NLGN4X: variants seen among roughly 807,000 people sequenced by gnomAD.
The protein encoded by NLGN4X is neuroligin-4, X-linked.
In NLGN4X, 3 loss-of-function variants were observed where a neutral mutation model predicts 40.3. The ratio of observed to expected loss-of-function variants is 0.07; its 90% CI spans 0.03 to 0.19. The LOEUF is 0.19. Among genes scored for constraint, NLGN4X ranks in the 10% least tolerant of loss-of-function variants. NLGN4X has a pLI of 1.00. For missense variants in NLGN4X, 382 were observed against 708.3 expected (o/e 0.54, Z 5.23); for synonymous variants, 270 against 306.8 (o/e 0.88, Z 1.25).
At chrX:6,098,911 T>A (rs2038844069) in intron 2 of NLGN4X, among the ~76,000 whole-genome samples, 1 of 112,409 alleles carries the variant, frequency 8.9e-6, no homozygotes, top group Admixed American at 9.4e-5. Context: ...TACTTGTGGG[T>A]GATCTGATGA....
chrX:6,057,549 G>A (rs189816012), intron 2 of NLGN4X, among the ~76,000 whole-genome samples: 88 of 111,802 alleles, frequency 7.9e-4, no homozygotes, highest in African/African-American at 2.4e-3. Flanking sequence ...CATATTAATC[G>A]TTCATCAAGC....
chrX:5,896,862 A>G (rs1193224983), intron 5 of NLGN4X, among the ~76,000 whole-genome samples: 1 of 112,345 alleles, frequency 8.9e-6, no homozygotes, highest in Non-Finnish European at 1.9e-5. Flanking sequence ...CATTCAGCTT[A>G]AAATTCCTTT....
intron 3 of NLGN4X, among the ~76,000 whole-genome samples, chrX:5,923,285 C>T (rs2033144336): frequency 8.9e-6 from 1 of 112,034 alleles, no homozygotes; most frequent in Non-Finnish European, 1.9e-5. Context: ...GGAATACACA[C>T]TTGTGCCACT....
chrX:6,165,712 G>T (rs778277131), intron 1 of NLGN4X, among the ~76,000 whole-genome samples: 1 of 111,365 alleles, frequency 9.0e-6, no homozygotes, highest in South Asian at 3.8e-4. Context: ...GTTTTTTAAA[G>T]AAAACAGAGG....
intron 3 of NLGN4X, among the ~76,000 whole-genome samples, chrX:5,925,881 C>CACATATATATATAT (rs2033272520): frequency 5.1e-5 from 1 of 19,516 alleles, no homozygotes; most frequent in Non-Finnish European, 1.0e-4. Context: ...TACATACACA[C>CACATATATATATAT]ATATATATAT....
intron 3 of NLGN4X, among the ~76,000 whole-genome samples, chrX:5,942,216 A>G (rs2033970298): frequency 9.0e-6 from 1 of 110,823 alleles, no homozygotes; most frequent in Admixed American, 9.6e-5. Flanking sequence ...TGATTGCACC[A>G]CTGCATTCAA....
intron 1 of NLGN4X, chrX:6,187,421 A>C (rs1391708502): frequency 9.0e-6 from 1 of 110,610 alleles, no homozygotes; most frequent in Non-Finnish European, 1.9e-5. Flanking sequence ...ATGCGCACGT[A>C]CACGCACAGG....
intron 2 of NLGN4X, among the ~76,000 whole-genome samples, chrX:6,094,074 A>G (rs1489392673): frequency 2.7e-5 from 3 of 111,900 alleles, no homozygotes; most frequent in African/African-American, 6.5e-5. Context: ...AATACACACA[A>G]AACACTTAAA....
chrX:6,029,584 G>A (rs1253436799), intron 2 of NLGN4X, 152 bp from the exon 3 acceptor site: 2 of 545,566 alleles, frequency 3.7e-6, no homozygotes, highest in African/African-American at 4.7e-5. Context: ...TGATAAGAGT[G>A]TCTAAGGAAA....
At position 6,095,105 on chromosome X, in the gene NLGN4X, G is replaced by A. The variant is rs1434410438; in HGVS notation, c.472+55890C>T. Among the ~76,000 whole-genome samples the A allele has an allele frequency of 5.1e-3, 7 of 1,365 alleles. No individual in the cohort carries two copies. In the East Asian group the frequency reaches 0.15, roughly 29 times the overall value. The allele number at this position is 1,365 out of a possible 115,157, so 1.2% of individuals were successfully genotyped here. ...TAAGGCTTTAAGTACGTGCGTGCGT[G>A]TGTGTGTGTGTGTGTGTGTGTGTGT... On this transcript the variant is annotated intron_variant, in intron 2 of 5. Coordinates refer to ENST00000381095, the MANE Select transcript of NLGN4X (RefSeq NM_181332.3).
chrX:6,030,956 A>G (rs184163436), intron 2 of NLGN4X, among the ~76,000 whole-genome samples: 2 of 111,939 alleles, frequency 1.8e-5, no homozygotes, highest in East Asian at 5.6e-4. Context: ...GTAAGTAGAG[A>G]TTTTGAAGGG....
rs191560356 is a variant in NLGN4X, at chrX:6,035,070, A to T, written c.473-5638T>A. ...AACTAATGATATTAAATATCTTCTC[A>T]TGTACACTGTCTTTGCAGAAATGTC... is the stretch of plus-strand genomic sequence containing the variant. On this transcript the variant is annotated intron_variant, in intron 2 of 5. Transcript: ENST00000381095. 2.2e-3 allele frequency among the ~76,000 whole-genome samples: 242 copies of T among 111,983 alleles called. 1 individual carries two copies. The highest frequency in any genetic ancestry group is 7.6e-3 in the African/African-American group (235 of 30,851).
intron 3 of NLGN4X, among the ~76,000 whole-genome samples, chrX:5,911,828 A>G (rs781773354): frequency 8.9e-6 from 1 of 111,771 alleles, no homozygotes; most frequent in East Asian, 2.8e-4. Context: ...TAACCTCCAT[A>G]CTGTTCTTGA....
intron 2 of NLGN4X, among the ~76,000 whole-genome samples, chrX:6,039,247 G>A (rs2147253452): frequency 9.0e-6 from 1 of 111,485 alleles, no homozygotes; most frequent in African/African-American, 3.3e-5. Context: ...CCACTGTCCT[G>A]TGAAAAATCA....
At chrX:6,124,520 A>G (rs896065709) in intron 2 of NLGN4X, among the ~76,000 whole-genome samples, 18 of 111,600 alleles carry the variant, frequency 1.6e-4, no homozygotes, top group African/African-American at 5.5e-4. Flanking sequence ...CGTCTCTACT[A>G]AAAATACAAA....
chrX:6,044,854 A>T (rs1031864483), intron 2 of NLGN4X, among the ~76,000 whole-genome samples: 1 of 112,573 alleles, frequency 8.9e-6, no homozygotes, highest in African/African-American at 3.2e-5. Context: ...CACACAATGT[A>T]GAATAAAAGA....
At position 5,892,482 on chromosome X, in the gene NLGN4X, G is replaced by A. The variant is rs1340393427; in HGVS notation, c.*335C>T. ...CAGAAGTGTCAGCTGCTTCCATGAC[G>A]TTGGAAACACCCGGGGCCTTGAAAT... On this transcript the variant is annotated 3_prime_UTR_variant, in exon 6 of 6. Transcript: ENST00000381095. The A allele has an allele frequency of 2.0e-5, 5 of 247,376 alleles. No individual in the cohort carries two copies. The highest frequency in any genetic ancestry group is 3.6e-5 in the Non-Finnish European group (5 of 137,438). 20.4% of individuals were successfully genotyped at this position (247,376 alleles called of 1,213,427 possible).
chrX:6,133,394 T>C (rs946019170), intron 2 of NLGN4X, among the ~76,000 whole-genome samples: 8 of 112,273 alleles, frequency 7.1e-5, no homozygotes, highest in African/African-American at 2.3e-4. Context: ...CTAATTTAAC[T>C]GAACACAGAT....
intron 1 of NLGN4X, among the ~76,000 whole-genome samples, chrX:6,209,881 C>G (rs1281600320): frequency 8.9e-6 from 1 of 112,067 alleles, no homozygotes; most frequent in Non-Finnish European, 1.9e-5. Context: ...GAGACAGAAT[C>G]TCTCTGTCAC....
Sources: allele counts gnomAD v4.1 joint callset (sites outside exome capture counted in the v4.1 genomes callset), GRCh38; gene constraint gnomAD v4.1.1; transcripts MANE v1.5; gene names NCBI Gene and HGNC (gene_info 2026-07-23, HGNC 2026-07-21).